The following SMYD3 variants were observed in gnomAD, a reference collection of about 807,000 sequenced individuals.
The protein encoded by SMYD3 is histone-lysine N-methyltransferase SMYD3.
In SMYD3, 36 loss-of-function variants were observed where a neutral mutation model predicts 57.7. The ratio of observed to expected loss-of-function variants is 0.62; its 90% CI spans 0.48 to 0.82. The LOEUF (loss-of-function observed/expected upper bound fraction) is 0.82, where lower values mean the gene tolerates loss of function less well. Ranked by LOEUF, SMYD3 falls within the 40% of genes least tolerant of loss-of-function variation. The pLI is 0.00. For synonymous variants in SMYD3, 211 were observed against 195.0 expected, an observed-to-expected ratio of 1.08 and a Z score of -0.68; for missense variants, 515 against 538.8, an observed-to-expected ratio of 0.96 and a Z score of 0.44.
At chr1:246,040,049 T>C (rs1230712300) in intron 5 of SMYD3, among the ~76,000 whole-genome samples, 1 of 152,206 alleles carries the variant, frequency 6.6e-6, no homozygotes, top group East Asian at 1.9e-4. Flanking sequence ...AAGTAAGACA[T>C]TTCTCCCGGC....
intron 5 of SMYD3, among the ~76,000 whole-genome samples, chr1:246,002,650 CA>C (rs111228129): frequency 0.023 from 2,251 of 97,326 alleles, 802 homozygotes; most frequent in Admixed American, 0.086. Context: ...GACGGGGTTT[CA>C]CCATGTTAGC....
At chr1:245,980,694 A>G (rs1271771335) in intron 5 of SMYD3, among the ~76,000 whole-genome samples, 1 of 152,248 alleles carries the variant, frequency 6.6e-6, no homozygotes, top group Non-Finnish European at 1.5e-5. Flanking sequence ...ACTCTGCAAC[A>G]GGCAGCAAAT....
intron 1 of SMYD3, among the ~76,000 whole-genome samples, chr1:246,464,289 G>T (rs1482869912): frequency 6.6e-6 from 1 of 152,130 alleles, no homozygotes; most frequent in Non-Finnish European, 1.5e-5. Flanking sequence ...GCCGAGGTGG[G>T]CAAATCACTT....
chr1:245,797,723 AG>A (rs1367153323), intron 10 of SMYD3, among the ~76,000 whole-genome samples: 1 of 151,368 alleles, frequency 6.6e-6, no homozygotes, highest in African/African-American at 2.4e-5. Context: ...GAAAAGAAAA[AG>A]AAACGGCCAA....
intron 8 of SMYD3, among the ~76,000 whole-genome samples, chr1:245,915,263 T>C (rs2055321397): frequency 1.3e-5 from 2 of 152,224 alleles, no homozygotes; most frequent in Admixed American, 1.3e-4. Flanking sequence ...CCCATCCTTT[T>C]AATTAAATAT....
Position 246,011,525 on chromosome 1 carries a change from T to C in SMYD3, c.532-81588A>G, listed in dbSNP as rs568757713. 2.0e-4 allele frequency among the ~76,000 whole-genome samples: 30 copies of C among 152,246 alleles called. No homozygotes were observed. The East Asian group carries it at 4.3e-3, about 22-fold the overall frequency. On this transcript the variant is annotated intron_variant, in intron 5 of 11. Coordinates refer to ENST00000490107, the MANE Select transcript of SMYD3 (RefSeq NM_001167740.2). ...AAAAAGGACATAAAAAGGAGGAGAA[T>C]TTAAAAATCACCTAGACCACTGTCG...
chr1:245,965,934 A>G (rs2058133794), intron 5 of SMYD3, among the ~76,000 whole-genome samples: 1 of 152,122 alleles, frequency 6.6e-6, no homozygotes, highest in Non-Finnish European at 1.5e-5. Flanking sequence ...AAATGTACCA[A>G]TCTGGTTTGG....
At chr1:245,894,423 C>A (rs1423986072) in intron 8 of SMYD3, among the ~76,000 whole-genome samples, 1 of 152,056 alleles carries the variant, frequency 6.6e-6, no homozygotes, top group Non-Finnish European at 1.5e-5. Flanking sequence ...CGCTCAGGTC[C>A]CCTTCCACGC....
At chr1:245,795,497 G>C (rs533011648) in intron 10 of SMYD3, among the ~76,000 whole-genome samples, 12 of 152,304 alleles carry the variant, frequency 7.9e-5, no homozygotes, top group Non-Finnish European at 1.8e-4. Flanking sequence ...GTAGCCAGTG[G>C]CTTCAGCTCC....
chr1:246,194,815 T>C (rs76456853), intron 5 of SMYD3, among the ~76,000 whole-genome samples: 6,603 of 152,286 alleles, frequency 0.043, 220 homozygotes, highest in African/African-American at 0.083. Flanking sequence ...ATCAGAGAAA[T>C]TCTACGGCAC....
intron 1 of SMYD3, among the ~76,000 whole-genome samples, chr1:246,492,249 T>C (rs1334727062): frequency 6.6e-6 from 1 of 152,122 alleles, no homozygotes; most frequent in Non-Finnish European, 1.5e-5. Context: ...AGTAGGTAAT[T>C]AGAGATTAAA....
At chr1:245,815,054 T>C (rs969856821) in intron 10 of SMYD3, among the ~76,000 whole-genome samples, 3 of 152,142 alleles carry the variant, frequency 2.0e-5, no homozygotes, top group Admixed American at 6.5e-5. Flanking sequence ...AGCAGGACAA[T>C]GGTCTTGATC....
chr1:246,261,814 G>A (rs1003347225), intron 5 of SMYD3, among the ~76,000 whole-genome samples: 7 of 152,188 alleles, frequency 4.6e-5, no homozygotes, highest in African/African-American at 1.7e-4. Context: ...ATTCTGTACA[G>A]ATGGGCATAA....
intron 8 of SMYD3, among the ~76,000 whole-genome samples, chr1:245,883,306 C>T (rs1433871187): frequency 6.6e-6 from 1 of 152,024 alleles, no homozygotes; most frequent in African/African-American, 2.4e-5. Context: ...AAGTAGACTC[C>T]CAGCACAAAG....
intron 5 of SMYD3, among the ~76,000 whole-genome samples, chr1:246,075,044 C>T (rs1041633049): frequency 2.0e-5 from 3 of 151,802 alleles, no homozygotes; most frequent in Admixed American, 2.0e-4. Context: ...GGGAAGAGGA[C>T]AGGGTGACCC....
chr1:245,870,769 T>C (rs1363343748), intron 8 of SMYD3, among the ~76,000 whole-genome samples: 1 of 152,144 alleles, frequency 6.6e-6, no homozygotes, highest in Non-Finnish European at 1.5e-5. Context: ...ATAGGGAAAG[T>C]TTGGAGTCCA....
chr1:246,253,533 GGAT>G (rs2063829225), intron 5 of SMYD3, among the ~76,000 whole-genome samples: 1 of 152,192 alleles, frequency 6.6e-6, no homozygotes, highest in African/African-American at 2.4e-5. Flanking sequence ...TAGGCACCTA[GGAT>G]GATACCACAT....
intron 5 of SMYD3, among the ~76,000 whole-genome samples, chr1:246,151,712 A>G (rs2061943458): frequency 6.6e-6 from 1 of 152,190 alleles, no homozygotes; most frequent in Admixed American, 6.5e-5. Flanking sequence ...AGTATCTTTA[A>G]GGCCCGTTTC....
intron 10 of SMYD3, among the ~76,000 whole-genome samples, chr1:245,817,217 C>A (rs1021098161): frequency 1.4e-4 from 20 of 146,338 alleles, no homozygotes; most frequent in South Asian, 6.7e-4. Context: ...GGCAGACTGC[C>A]TCCTCAAGTG....
Sources: gnomAD v4.1 joint callset for allele counts (sites outside exome capture counted in the v4.1 genomes callset) on GRCh38, gnomAD v4.1.1 for gene constraint, MANE v1.5 for transcripts, NCBI Gene and HGNC (gene_info 2026-07-23, HGNC 2026-07-21) for gene names.